Variants in PSG1 observed in about 807,000 individuals in gnomAD.
PSG1 encodes pregnancy specific beta-1-glycoprotein 1.
PSG1 carries 60 observed loss-of-function variants against 41.4 expected under a neutral mutation model. That is an observed-to-expected ratio of 1.45 (90% CI 1.18 to 1.80). The LOEUF is 1.80. Among genes scored for constraint, PSG1 ranks in the 40% most tolerant of loss-of-function variants. The pLI is 0.00. For missense variants in PSG1, 806 were observed against 516.9 expected, an observed-to-expected ratio of 1.56 and a Z score of -5.42; for synonymous variants, 256 against 192.9, an observed-to-expected ratio of 1.33 and a Z score of -2.71.
At chr19:42,875,302 A>C (rs1333125436) in intron 2 of PSG1, among the ~76,000 whole-genome samples, 4 of 151,862 alleles carry the variant, frequency 2.6e-5, no homozygotes, top group South Asian at 2.1e-4. Context: ...CTGCCTTTGT[A>C]AAACTAGTGA....
intron 3 of PSG1, chr19:42,870,543 A>G (rs974483216): frequency 6.6e-6 from 1 of 151,670 alleles, no homozygotes; most frequent in South Asian, 2.1e-4. Flanking sequence ...CCACCTTTTC[A>G]TGGTTACCTC....
At position 42,878,264 on chromosome 19, in the gene PSG1, A is replaced by T; in HGVS notation, c.79T>A (p.Phe27Ile). 1 of 1,607,560 alleles carries T rather than the reference A, an allele frequency of 6.2e-7. No individual in the cohort carries two copies. Among genetic ancestry groups the T allele is most frequent in the Non-Finnish European group, 8.5e-7 (1 of 1,177,102 alleles). Residue 27 changes from phenylalanine to isoleucine, a missense_variant, in exon 2 of 6, where the codon TTC becomes ATC. By Grantham distance (21) the Phe-to-Ile change is conservative. Coordinates refer to ENST00000436291, the MANE Select transcript of PSG1 (RefSeq NM_001184825.2). ...GLLLTASLLN[F>I]WNLPTTAQVT... ...TGGGCAGTGGTGGGCAGGTTCCAGA[A>T]GTTTAAAAGTGATGCTAGGAGGTGG...
In PSG1 at chr19:42,878,081, T is replaced by A. The variant is rs184206858; in HGVS notation, c.262A>T (p.Ile88Leu). ...CTATATGCAGGCCCATATATAATTA[T>A]TTCACCGTCTACTACATATGATGTA... Reference protein sequence around the residue: ...YITSYVVDGEIIIYGPAYSGR... With the variant: ...YITSYVVDGELIIYGPAYSGR... The change falls in exon 2 of 6, where the codon ATA becomes TTA. Residue 88 changes from isoleucine (I) to leucine (L), a missense_variant. Physicochemically the swap from Ile to Leu is conservative, Grantham distance 5. Transcript: ENST00000436291. 1.9e-4 allele frequency: 299 copies of A among 1,612,294 alleles called. 6 individuals carry two copies. Among genetic ancestry groups the A allele is most frequent in the Admixed American group, 2.3e-4 (14 of 59,880 alleles).
Position 42,878,219 on chromosome 19 carries a change from G to C in PSG1, c.124C>G (p.Pro42Ala). 1.9e-6 allele frequency: 3 copies of C among 1,611,268 alleles called. No individual in the cohort carries two copies. Among genetic ancestry groups the C allele is most frequent in the Non-Finnish European group, 2.5e-6 (3 of 1,178,780 alleles). The change falls in exon 2 of 6, where the codon CCA (proline) becomes GCA (alanine). Residue 42 changes from proline (P) to alanine (A), a missense_variant. Physicochemically the swap from Pro to Ala is conservative, Grantham distance 27 (BLOSUM62 -1). Transcript: ENST00000436291. Reference protein sequence around the residue: ...TTAQVTIEAEPTKVSEGKDVL... With the variant: ...TTAQVTIEAEATKVSEGKDVL... ...TCCTTCCCCTCGGAAACTTTGGTTG[G>C]CTCGGCTTCAATCGTGACTTGGGCA...
chr19:42,876,559 T>C (rs1971616343), intron 2 of PSG1, among the ~76,000 whole-genome samples: 1 of 151,302 alleles, frequency 6.6e-6, no homozygotes, highest in African/African-American at 2.4e-5. Flanking sequence ...AGCTCCTGAG[T>C]GTGTGTCTCT....
At chr19:42,876,117 G>A (rs1204742753) in intron 2 of PSG1, among the ~76,000 whole-genome samples, 1 of 151,396 alleles carries the variant, frequency 6.6e-6, no homozygotes, top group African/African-American at 2.4e-5. Context: ...CAGCCAGAGT[G>A]GTTAGAGGGA....
At position 42,867,840 on chromosome 19, in the gene PSG1, A is replaced by C; in HGVS notation, c.1243+261T>G. 2.3e-6 allele frequency: 3 copies of C among 1,297,478 alleles called. No individual in the cohort carries two copies. The Admixed American group carries it at 7.4e-5, about 32-fold the overall frequency. 80.4% of individuals were successfully genotyped at this position (1,297,478 alleles called of 1,614,324 possible). ...TTCAAATAAAAATCATAAAAACATT[A>C]TCTTCATTATTATCAATTATTTCAA... On this transcript the variant is annotated intron_variant, in intron 5 of 5. Transcript: ENST00000436291.
intron 2 of PSG1, chr19:42,876,825 A>C (rs1350732790): frequency 6.5e-6 from 1 of 154,898 alleles, no homozygotes; most frequent in Admixed American, 6.6e-5. Flanking sequence ...TGGATGCCTA[A>C]GAAGAGAGGA....
chr19:42,874,530 TAG>T (rs1031353796), intron 2 of PSG1, among the ~76,000 whole-genome samples: 4 of 151,652 alleles, frequency 2.6e-5, no homozygotes, highest in Non-Finnish European at 5.9e-5. Context: ...GCATTTTTAG[TAG>T]AGACGGGGTT....
chr19:42,879,597 T>C lies in PSG1; in HGVS notation c.-16A>G, dbSNP rs1064475. On this transcript the variant is annotated 5_prime_UTR_variant, in exon 1 of 6. Transcript: ENST00000436291. ...GGGTTCCCATGGTCTCTGCTGCTTG[T>C]GTGTTCTCCTCTGTGGAGATAAGCC... The C allele has an allele frequency of 2.5e-6, 4 of 1,609,528 alleles. No individual in the cohort carries two copies. The highest frequency in any genetic ancestry group is 2.2e-5 in the East Asian group (1 of 44,588).
intron 3 of PSG1, 182 bp from the exon 4 acceptor site, chr19:42,869,216 G>A (rs1388533695): frequency 3.3e-5 from 44 of 1,342,354 alleles, no homozygotes; most frequent in South Asian, 4.4e-5. Context: ...CTGTGAGGCC[G>A]CCTTCTCTGT....
Position 42,878,260 on chromosome 19 carries a change from C to T in PSG1, c.83G>A (p.Trp28Ter). The change falls in exon 2 of 6, where the codon TGG (tryptophan) becomes TAG (stop). Residue 28 changes from tryptophan (W) to a stop codon, truncating the protein, a stop_gained. Coordinates refer to ENST00000436291, the MANE Select transcript of PSG1 (RefSeq NM_001184825.2). LOFTEE classifies it high-confidence loss of function. ...GACTTGGGCAGTGGTGGGCAGGTTC[C>T]AGAAGTTTAAAAGTGATGCTAGGAG... ...LLLTASLLNF[W>*]NLPTTAQVTI... The T allele has an allele frequency of 1.9e-6, 3 of 1,608,364 alleles. No individual in the cohort carries two copies. Among genetic ancestry groups the T allele is most frequent in the Non-Finnish European group, 2.5e-6 (3 of 1,177,590 alleles).
chr19:42,874,534 G>C (rs1971525857), intron 2 of PSG1, among the ~76,000 whole-genome samples: 1 of 151,588 alleles, frequency 6.6e-6, no homozygotes, highest in African/African-American at 2.4e-5. Flanking sequence ...TTTTAGTAGA[G>C]ACGGGGTTTC....
chr19:42,872,281 C>G (rs1374696853), intron 2 of PSG1, among the ~76,000 whole-genome samples: 1 of 151,558 alleles, frequency 6.6e-6, no homozygotes, highest in Non-Finnish European at 1.5e-5. Flanking sequence ...TGAGCAGCAG[C>G]ATTGGGTCAT....
At chr19:42,876,603 G>A in intron 2 of PSG1, 1 of 337,772 alleles carries the variant, frequency 3.0e-6, no homozygotes, top group South Asian at 2.8e-5. Flanking sequence ...GAGTGTGAGT[G>A]GGGAAAGAAA....
chr19:42,871,228 A>C (rs10402603), intron 3 of PSG1, among the ~76,000 whole-genome samples: 1 of 151,580 alleles, frequency 6.6e-6, no homozygotes, highest in Admixed American at 6.6e-5. Context: ...ACTTGTGTTG[A>C]TTGCTGGAAC....
rs186269391 is a variant in PSG1 at position 42,867,210 on chromosome 19, A to G, written c.1244-60T>C. On this transcript the variant is annotated intron_variant, in intron 5 of 5. Coordinates refer to ENST00000436291, the MANE Select transcript of PSG1 (RefSeq NM_001184825.2). ...ACAGAGCTGCAGTCTCATAACAGGT[A>G]TACTACAGTTTTTATTTTCCACATA... 7.9e-4 allele frequency: 600 copies of G among 763,852 alleles called. 13 individuals are homozygous for G. The African/African-American group carries it at 8.1e-3, about 10-fold the overall frequency. The allele number at this position is 763,852 out of a possible 1,614,324, so 47.3% of individuals were successfully genotyped here.
chr19:42,872,122 G>A (rs1377375720), intron 2 of PSG1, 77 bp from the exon 3 acceptor site: 5 of 1,543,242 alleles, frequency 3.2e-6, no homozygotes, highest in Middle Eastern at 1.9e-4. Context: ...ATCAGAATTG[G>A]CATTTCCCAC....
rs185742420 is a variant in PSG1 at position 42,879,638 on chromosome 19, C to G, written c.-57G>C. The G allele has an allele frequency of 2.3e-5, 36 of 1,599,048 alleles. 2 individuals are homozygous for G. The highest frequency in any genetic ancestry group is 2.6e-5 in the Non-Finnish European group (31 of 1,170,650). ...GAGATAAGCCTAGGATCCAGAAACT[C>G]TCTGAGCACGGCTGTCAGCTGTGCT... On this transcript the variant is annotated 5_prime_UTR_variant, in exon 1 of 6. Coordinates refer to ENST00000436291, the MANE Select transcript of PSG1 (RefSeq NM_001184825.2).
Sources: gnomAD v4.1 joint callset for allele counts (sites outside exome capture counted in the v4.1 genomes callset) on GRCh38, gnomAD v4.1.1 for gene constraint, MANE v1.5 for transcripts, NCBI Gene and HGNC (gene_info 2026-07-23, HGNC 2026-07-21) for gene names.